FRMD6: variants seen among roughly 807,000 people sequenced by gnomAD.
FRMD6 encodes FERM domain-containing protein 6.
Under a neutral mutation model 73.2 loss-of-function variants are expected in FRMD6, and 37 were observed. The ratio of observed to expected loss-of-function variants is 0.51; its 90% confidence interval spans 0.39 to 0.66. The LOEUF (loss-of-function observed/expected upper bound fraction) is 0.66. Among genes scored for constraint, FRMD6 ranks in the 30% least tolerant of loss-of-function variants. The pLI is 0.00. For synonymous variants in FRMD6, 273 were observed against 282.2 expected (o/e 0.97, Z 0.33); for missense variants, 714 against 780.5 (o/e 0.91, Z 1.02).
At chr14:51,429,857 G>T in the FRMD6 span, among the ~76,000 whole-genome samples, 1 of 152,142 alleles carries the variant, frequency 6.6e-6, no homozygotes, top group African/African-American at 2.4e-5. Flanking sequence ...TATCAATGGG[G>T]AGAAATTCTT....
chr14:51,699,150 C>G (rs1896132467), intron 3 of FRMD6, among the ~76,000 whole-genome samples: 1 of 152,042 alleles, frequency 6.6e-6, no homozygotes, highest in Non-Finnish European at 1.5e-5. Flanking sequence ...CCCTTTCCCC[C>G]AAAATGTAGA....
the FRMD6 span, among the ~76,000 whole-genome samples, chr14:51,430,570 A>G: frequency 6.6e-6 from 1 of 152,004 alleles, no homozygotes. Flanking sequence ...TTAAAAAGTC[A>G]AGGTCAAACT....
At chr14:51,656,179 T>G (rs1892808186) in intron 1 of FRMD6, among the ~76,000 whole-genome samples, 1 of 152,214 alleles carries the variant, frequency 6.6e-6, no homozygotes. Flanking sequence ...ACTTTTTGTA[T>G]ATATCAAATG....
chr14:51,502,751 T>C lies in FRMD6; in HGVS notation c.-210+13331T>C, dbSNP rs556481566. 7.6e-4 allele frequency among the ~76,000 whole-genome samples: 116 copies of C among 152,336 alleles called. 1 individual carries two copies. The South Asian group carries it at 0.023, about 30-fold the overall frequency. On this transcript the variant is annotated intron_variant, in intron 1 of 14. Coordinates refer to the FRMD6 transcript ENST00000356218. ...TATGTGAAGAATGTCAATGGTAGCT[T>C]AATGGGAATAGCAGTGATTATATAA...
the FRMD6 span, among the ~76,000 whole-genome samples, chr14:51,424,730 G>A: frequency 6.6e-6 from 1 of 152,192 alleles, no homozygotes; most frequent in African/African-American, 2.4e-5. Context: ...TCTTGCAGAT[G>A]TAAAAAAGTT....
chr14:51,539,131 T>G (rs1053020440), intron 1 of FRMD6, among the ~76,000 whole-genome samples: 6 of 152,138 alleles, frequency 3.9e-5, no homozygotes, highest in African/African-American at 1.4e-4. Context: ...TTCCACCGTT[T>G]TTGACCTTTT....
chr14:51,513,510 T>C (rs1336631121), intron 1 of FRMD6, among the ~76,000 whole-genome samples: 1 of 152,232 alleles, frequency 6.6e-6, no homozygotes, highest in African/African-American at 2.4e-5. Flanking sequence ...GTGGTTATTT[T>C]GGCTTTACAG....
chr14:51,446,260 G>C, the FRMD6 span, among the ~76,000 whole-genome samples: 1 of 152,150 alleles, frequency 6.6e-6, no homozygotes, highest in Admixed American at 6.5e-5. Context: ...AGGAGTGACC[G>C]CGATGGTTTT....
chr14:51,588,502 A>T (rs1424386312), intron 2 of FRMD6, among the ~76,000 whole-genome samples: 1 of 152,204 alleles, frequency 6.6e-6, no homozygotes, highest in East Asian at 1.9e-4. Context: ...TTATAAATAC[A>T]AGGAGCAGAA....
chr14:51,464,688 C>A, the FRMD6 span, among the ~76,000 whole-genome samples: 1 of 152,062 alleles, frequency 6.6e-6, no homozygotes, highest in East Asian at 1.9e-4. Flanking sequence ...AGGTGTTGTC[C>A]GAGGGGCTCA....
intron 1 of FRMD6, among the ~76,000 whole-genome samples, chr14:51,658,460 A>G (rs2140143666): frequency 6.6e-6 from 1 of 152,272 alleles, no homozygotes; most frequent in Non-Finnish European, 1.5e-5. Flanking sequence ...CCCTAATTTC[A>G]AAGGACTGCT....
At chr14:51,504,952 T>C (rs1883865423) in intron 1 of FRMD6, among the ~76,000 whole-genome samples, 2 of 152,236 alleles carry the variant, frequency 1.3e-5, no homozygotes, top group African/African-American at 4.8e-5. Flanking sequence ...CACAGCGCCA[T>C]GCTCCTATTC....
At chr14:51,408,173 T>C in the FRMD6 span, among the ~76,000 whole-genome samples, 2 of 151,550 alleles carry the variant, frequency 1.3e-5, no homozygotes, top group South Asian at 2.1e-4. Context: ...TTTTTTTTTT[T>C]ACAAATACAA....
chr14:51,429,022 G>GAGAGAGAGGGGAGAGAGAGGGGGGA, the FRMD6 span, among the ~76,000 whole-genome samples: 1 of 142,118 alleles, frequency 7.0e-6, no homozygotes, highest in African/African-American at 2.7e-5. Flanking sequence ...GAGAGGGTGG[G>GAGAGAGAGGGGAGAGAGAGGGGGGA]AGAGAGAGGG....
chr14:51,419,886 A>G, the FRMD6 span, among the ~76,000 whole-genome samples: 2 of 151,856 alleles, frequency 1.3e-5, no homozygotes, highest in Non-Finnish European at 1.5e-5. Flanking sequence ...TGCTAGGTAC[A>G]GTCATGTGAC....
intron 1 of FRMD6, among the ~76,000 whole-genome samples, chr14:51,553,470 A>T (rs539261536): frequency 1.3e-5 from 2 of 152,296 alleles, no homozygotes; most frequent in South Asian, 4.1e-4. Context: ...GTAGTTAGTC[A>T]TATTTATTAT....
the FRMD6 span, among the ~76,000 whole-genome samples, chr14:51,455,451 C>A: frequency 1.3e-5 from 2 of 152,190 alleles, no homozygotes; most frequent in Admixed American, 6.5e-5. Context: ...AACTTCTTGA[C>A]CTTGGATACT....
At chr14:51,622,653 AAGTC>A (rs1301880768) in intron 2 of FRMD6, among the ~76,000 whole-genome samples, 7 of 152,214 alleles carry the variant, frequency 4.6e-5, no homozygotes, top group Admixed American at 2.6e-4. Flanking sequence ...GTGCCTGCTG[AAGTC>A]AGATTCCAGA....
chr14:51,585,281 C>A (rs1248629734), intron 2 of FRMD6, among the ~76,000 whole-genome samples: 1 of 152,148 alleles, frequency 6.6e-6, no homozygotes, highest in African/African-American at 2.4e-5. Context: ...CCCAGTAAAC[C>A]ATCTTTCACC....
Sources: gnomAD v4.1 joint callset for allele counts (sites outside exome capture counted in the v4.1 genomes callset) on GRCh38, gnomAD v4.1.1 for gene constraint, MANE v1.5 for transcripts, NCBI Gene and HGNC (gene_info 2026-07-23, HGNC 2026-07-21) for gene names.